The following GNG2 variants were observed in gnomAD, a reference collection of about 807,000 sequenced individuals.
GNG2 encodes the protein G protein subunit gamma 2.
A neutral mutation model predicts 5.5 loss-of-function variants in GNG2; 5 were observed. That is an observed-to-expected ratio of 0.91 (90% CI 0.48 to 1.92). GNG2 has a LOEUF of 1.92. Among genes scored for constraint, GNG2 ranks in the 30% most tolerant of loss-of-function variants. The probability of loss-of-function intolerance (pLI) is 0.01; values close to 1 mark genes in which losing one functional copy is unlikely to be tolerated. For missense variants in GNG2, 55 were observed against 88.4 expected (o/e 0.62, Z 1.52); for synonymous variants, 28 against 32.0 (o/e 0.88, Z 0.42).
chr14:51,881,860 C>T (rs929439210), intron 2 of GNG2, among the ~76,000 whole-genome samples: 1 of 151,716 alleles, frequency 6.6e-6, no homozygotes, highest in Admixed American at 6.6e-5. Context: ...GGCTTTCTGA[C>T]AAGGATGGGG....
intron 2 of GNG2, among the ~76,000 whole-genome samples, chr14:51,851,136 G>A (rs1369295779): frequency 6.6e-6 from 1 of 152,168 alleles, no homozygotes; most frequent in East Asian, 1.9e-4. Flanking sequence ...GATGATTTTT[G>A]TCCTCCATCA....
intron 2 of GNG2, among the ~76,000 whole-genome samples, chr14:51,884,433 C>T (rs936112499): frequency 5.9e-5 from 9 of 152,146 alleles, no homozygotes; most frequent in African/African-American, 9.7e-5. Flanking sequence ...GACCCTGCAA[C>T]GCAGGAACTG....
intron 2 of GNG2, chr14:51,916,251 C>A: frequency 3.8e-6 from 1 of 262,210 alleles, no homozygotes; most frequent in Non-Finnish European, 7.5e-6. Context: ...GACAGAGAGC[C>A]ATATTTTACA....
In GNG2 at chr14:51,966,574, G is replaced by A. The variant is rs1566720675; in HGVS notation, c.103G>A (p.Ala35Thr). The change falls in exon 4 of 4, where the codon GCA becomes ACA. Residue 35 changes from alanine to threonine, a missense_variant. Coordinates refer to ENST00000556766, the MANE Select transcript of GNG2 (RefSeq NM_053064.5). ...IDRIKVSKAA[A>T]DLMAYCEAHA... ...CCCTTTCCAGGTGTCCAAGGCAGCT[G>A]CAGATTTGATGGCCTACTGTGAAGC... The A allele has an allele frequency of 6.2e-7, 1 of 1,613,770 alleles. No individual in the cohort carries two copies. Among genetic ancestry groups the A allele is most frequent in the South Asian group, 1.1e-5 (1 of 91,080 alleles).
chr14:51,874,527 T>C (rs1883528857), intron 1 of GNG2, among the ~76,000 whole-genome samples: 1 of 151,746 alleles, frequency 6.6e-6, no homozygotes, highest in Non-Finnish European at 1.5e-5. Context: ...ACCCCTGAGT[T>C]TGAGACCAGC....
chr14:51,892,779 T>C (rs1282104713), intron 2 of GNG2, among the ~76,000 whole-genome samples: 2 of 152,250 alleles, frequency 1.3e-5, no homozygotes, highest in African/African-American at 4.8e-5. Context: ...TTCATGCTCA[T>C]AAATGTGTAA....
At chr14:51,853,365 G>C (rs936405163) in intron 2 of GNG2, among the ~76,000 whole-genome samples, 4 of 152,218 alleles carry the variant, frequency 2.6e-5, no homozygotes, top group African/African-American at 9.6e-5. Context: ...ACAAGCCATA[G>C]TTCCCTCCAC....
chr14:51,839,314 A>G (rs1344244349), intron 2 of GNG2, among the ~76,000 whole-genome samples: 1 of 152,232 alleles, frequency 6.6e-6, no homozygotes, highest in East Asian at 1.9e-4. Context: ...GGAGGCTTCC[A>G]GGTCATAAGT....
chr14:51,866,035 T>C (rs1399951707), intron 1 of GNG2, among the ~76,000 whole-genome samples: 5 of 152,148 alleles, frequency 3.3e-5, no homozygotes, highest in South Asian at 2.1e-4. Flanking sequence ...AGGCTGGAGA[T>C]AAGACAGGAT....
At chr14:51,901,669 C>T (rs1005354678) in intron 2 of GNG2, among the ~76,000 whole-genome samples, 2 of 147,202 alleles carry the variant, frequency 1.4e-5, no homozygotes, top group Non-Finnish European at 3.0e-5. Context: ...CTCTGCTCTA[C>T]GTTGTCAGGG....
chr14:51,942,407 C>G (rs1351596102), intron 2 of GNG2, among the ~76,000 whole-genome samples: 8 of 151,946 alleles, frequency 5.3e-5, no homozygotes, highest in Non-Finnish European at 1.2e-4. Flanking sequence ...AGTAGCACCC[C>G]CAGTTATTGT....
chr14:51,960,479 CATT>C (rs1249122716), intron 3 of GNG2, among the ~76,000 whole-genome samples: 1 of 146,574 alleles, frequency 6.8e-6, no homozygotes, highest in African/African-American at 2.6e-5. Context: ...TTTTTCATCT[CATT>C]GTATTTTTTC....
chr14:51,963,878 T>G (rs1210196579), intron 3 of GNG2, among the ~76,000 whole-genome samples: 1 of 152,198 alleles, frequency 6.6e-6, no homozygotes, highest in Non-Finnish European at 1.5e-5. Flanking sequence ...ATAAAAATAT[T>G]TTTGTAAGTA....
chr14:51,871,997 C>T (rs145607525), intron 1 of GNG2, among the ~76,000 whole-genome samples: 2 of 152,272 alleles, frequency 1.3e-5, no homozygotes, highest in Non-Finnish European at 2.9e-5. Flanking sequence ...TGCATCACTT[C>T]CTGGAAGAAG....
At chr14:51,855,762 T>C (rs1882126324), upstream of GNG2, among the ~76,000 whole-genome samples, 1 of 152,182 alleles carries the variant, frequency 6.6e-6, no homozygotes, top group Non-Finnish European at 1.5e-5. Flanking sequence ...CTGGCTTTGC[T>C]GGCACAGCTG....
At chr14:51,966,209 CAA>C (rs34653524) in intron 3 of GNG2, among the ~76,000 whole-genome samples, 12 of 28,136 alleles carry the variant, frequency 4.3e-4, no homozygotes, top group South Asian at 2.0e-3. Context: ...GACTGCATCT[CAA>C]AAAAAAAAAA....
chr14:51,961,675 G>A (rs1326712474), intron 3 of GNG2, among the ~76,000 whole-genome samples: 1 of 152,194 alleles, frequency 6.6e-6, no homozygotes, highest in African/African-American at 2.4e-5. Context: ...GTTCTGCAAG[G>A]AGGTGGTATT....
At chr14:51,940,984 G>A (rs1270714479) in intron 2 of GNG2, among the ~76,000 whole-genome samples, 1 of 151,736 alleles carries the variant, frequency 6.6e-6, no homozygotes, top group African/African-American at 2.4e-5. Context: ...CAGTATTTTA[G>A]TATATATTAT....
chr14:51,956,382 A>G (rs942610806), intron 3 of GNG2, among the ~76,000 whole-genome samples: 1 of 152,124 alleles, frequency 6.6e-6, no homozygotes, highest in African/African-American at 2.4e-5. Context: ...TTGTGAGACT[A>G]AGCTCTTACC....
Sources: allele counts gnomAD v4.1 joint callset (sites outside exome capture counted in the v4.1 genomes callset), GRCh38; gene constraint gnomAD v4.1.1; transcripts MANE v1.5; gene names NCBI Gene and HGNC (gene_info 2026-07-23, HGNC 2026-07-21).